The following HADHB variants were observed in gnomAD, a reference collection of about 807,000 sequenced individuals.
HADHB encodes trifunctional enzyme subunit beta, mitochondrial.
In HADHB, 50 loss-of-function variants were observed where a neutral mutation model predicts 61.9. The ratio of observed to expected loss-of-function variants is 0.81; its 90% confidence interval spans 0.64 to 1.02. The LOEUF (loss-of-function observed/expected upper bound fraction) is 1.02, where lower values mean the gene tolerates loss of function less well. Ranked by LOEUF, HADHB falls within the 50% of genes least tolerant of loss-of-function variation. The pLI is 0.00. For synonymous variants in HADHB, 191 were observed against 201.6 expected (o/e 0.95, Z 0.45); for missense variants, 504 against 586.5 (o/e 0.86, Z 1.45).
intron 3 of HADHB, among the ~76,000 whole-genome samples, chr2:26,256,174 G>T (rs539601057): frequency 6.6e-6 from 1 of 152,200 alleles, no homozygotes; most frequent in Non-Finnish European, 1.5e-5. Context: ...CATTAACGCT[G>T]ATGATGATAG....
chr2:26,263,244 A>G, intron 3 of HADHB, 136 bp from the exon 4 acceptor site: 1 of 565,334 alleles, frequency 1.8e-6, no homozygotes, highest in Middle Eastern at 5.1e-4. Flanking sequence ...GGTTGCAGTG[A>G]GCCGAGATCA....
rs1553323308 is a variant in HADHB, at chr2:26,285,739, G to GTTTTTTTTTTTTTTGTTTT, written c.1389+182_1389+183insGTTTTTTTTTTTTTTTTTT. Among the ~76,000 whole-genome samples the GTTTTTTTTTTTTTTGTTTT allele has an allele frequency of 7.7e-5, 5 of 65,082 alleles. 1 individual carries two copies. The highest frequency in any genetic ancestry group is 1.1e-4 in the Non-Finnish European group (4 of 34,936). 42.7% of individuals were successfully genotyped at this position (65,082 alleles called of 152,430 possible). On this transcript the variant is annotated intron_variant, in intron 15 of 15. Transcript: ENST00000317799. ...TCTGATAAAACTTTTTGTTTTTTGGGTTTTTTTTTTTTTTTTTTGAGACAG... is the reference window on the plus strand; with the variant it reads ...TCTGATAAAACTTTTTGTTTTTTGGGTTTTTTTTTTTTTTGTTTTTTTTTTTTTTTTTTTTTTGAGACAG...
intron 6 of HADHB, among the ~76,000 whole-genome samples, chr2:26,276,731 A>G (rs1672545205): frequency 6.6e-6 from 1 of 152,220 alleles, no homozygotes; most frequent in Non-Finnish European, 1.5e-5. Context: ...TCTTTTAAGT[A>G]TATTTGAACA....
intron 1 of HADHB, among the ~76,000 whole-genome samples, chr2:26,248,078 GGTT>G (rs1184756952): frequency 6.6e-6 from 1 of 152,106 alleles, no homozygotes; most frequent in African/African-American, 2.4e-5. Flanking sequence ...GTCACAAAAT[GGTT>G]GTTGTAGTAG....
At chr2:26,285,739 G>GTTTTTTTTTTTTTTGTTTTTTTTTTTTT (rs1553323308) in intron 15 of HADHB, among the ~76,000 whole-genome samples, 168 bp downstream of exon 15, 1 of 65,080 alleles carries the variant, frequency 1.5e-5, no homozygotes, top group African/African-American at 6.6e-5. Context: ...TGTTTTTTGG[G>GTTTTTTTTTTTTTTGTTTTTTTTTTTTT]TTTTTTTTTT....
At chr2:26,259,021 T>C (rs963622730) in intron 3 of HADHB, among the ~76,000 whole-genome samples, 31 of 152,040 alleles carry the variant, frequency 2.0e-4, no homozygotes, top group African/African-American at 7.3e-4. Context: ...TGAAACCCTC[T>C]CACCATGATG....
Position 26,280,082 on chromosome 2 carries a change from C to G in HADHB, c.900C>G (p.Tyr300Ter). The G allele has an allele frequency of 6.2e-7, 1 of 1,611,826 alleles. No individual in the cohort carries two copies. The highest frequency in any genetic ancestry group is 2.2e-5 in the East Asian group (1 of 44,874). ...AKLKPAFIKP[Y>*]GTVTAANSSF... is the part of the protein sequence containing the mutation. ...TAAAACCTGCATTCATCAAGCCCTACGGCACAGTGACAGCTGCAAATTCTT... is the reference window on the plus strand; with the variant it reads ...TAAAACCTGCATTCATCAAGCCCTAGGGCACAGTGACAGCTGCAAATTCTT... The change falls in exon 10 of 16, where the codon TAC becomes TAG. Residue 300 changes from tyrosine (Y) to a stop codon, truncating the protein, a stop_gained. Coordinates refer to ENST00000317799, the MANE Select transcript of HADHB (RefSeq NM_000183.3). LOFTEE classifies it high-confidence loss of function.
At chr2:26,272,584 A>G (rs1672389282) in intron 5 of HADHB, among the ~76,000 whole-genome samples, 1 of 151,098 alleles carries the variant, frequency 6.6e-6, no homozygotes, top group African/African-American at 2.4e-5. Context: ...CCTGTCCTCA[A>G]GTGATCCGCC....
chr2:26,262,539 A>G (rs1377645826), intron 3 of HADHB, among the ~76,000 whole-genome samples: 2 of 152,204 alleles, frequency 1.3e-5, no homozygotes, highest in Non-Finnish European at 2.9e-5. Context: ...TTTAAAAAAA[A>G]CCATAGGCAC....
chr2:26,264,038 G>A (rs1323825651), intron 4 of HADHB, among the ~76,000 whole-genome samples: 1 of 152,046 alleles, frequency 6.6e-6, no homozygotes, highest in African/African-American at 2.4e-5. Flanking sequence ...CCCGAGTGAA[G>A]GTTAGTCTAT....
chr2:26,253,877 T>TA (rs1558341623), intron 1 of HADHB, among the ~76,000 whole-genome samples: 1 of 149,218 alleles, frequency 6.7e-6, no homozygotes, highest in African/African-American at 2.5e-5. Flanking sequence ...AATAAATAAA[T>TA]AAATAAATAA....
chr2:26,245,946 G>A (rs941903125), intron 1 of HADHB, among the ~76,000 whole-genome samples: 1 of 152,116 alleles, frequency 6.6e-6, no homozygotes, highest in South Asian at 2.1e-4. Context: ...CTCACTACTC[G>A]CCAGACTGAC....
At chr2:26,257,757 C>T (rs1197173647) in intron 3 of HADHB, among the ~76,000 whole-genome samples, 1 of 152,084 alleles carries the variant, frequency 6.6e-6, no homozygotes, top group Non-Finnish European at 1.5e-5. Flanking sequence ...TGATGGCTCA[C>T]ACCTGTAATC....
intron 1 of HADHB, among the ~76,000 whole-genome samples, chr2:26,246,170 C>T (rs950452517): frequency 3.3e-5 from 5 of 152,170 alleles, no homozygotes; most frequent in Non-Finnish European, 7.3e-5. Context: ...CAGAGCCTGC[C>T]TCCTGCCCAT....
chr2:26,262,974 A>G (rs1574650145), intron 3 of HADHB, among the ~76,000 whole-genome samples: 1 of 152,138 alleles, frequency 6.6e-6, no homozygotes, highest in East Asian at 1.9e-4. Flanking sequence ...GGCATTAATG[A>G]TGTAATAATT....
chr2:26,254,141 A>G (rs1671516639), intron 1 of HADHB, 106 bp from the exon 2 acceptor site: 3 of 724,212 alleles, frequency 4.1e-6, no homozygotes, highest in Non-Finnish European at 7.6e-6. Context: ...TTAAGTTTTA[A>G]TGTTTTCTAG....
intron 4 of HADHB, among the ~76,000 whole-genome samples, chr2:26,268,517 T>C (rs1574654723): frequency 6.6e-6 from 1 of 152,334 alleles, no homozygotes; most frequent in South Asian, 2.1e-4. Flanking sequence ...TAGTAAGTCA[T>C]GTTGATATCA....
At chr2:26,282,550 A>T (rs937650435) in intron 10 of HADHB, among the ~76,000 whole-genome samples, 11 of 152,134 alleles carry the variant, frequency 7.2e-5, no homozygotes, top group African/African-American at 2.7e-4. Context: ...TACAGGCATG[A>T]GCCACCACGC....
chr2:26,257,113 CTTT>C (rs869046974), intron 3 of HADHB, among the ~76,000 whole-genome samples: 1 of 136,294 alleles, frequency 7.3e-6, no homozygotes, highest in South Asian at 2.4e-4. Flanking sequence ...AGCTCCCCTT[CTTT>C]TTTTTTTTTT....
Sources: allele counts gnomAD v4.1 joint callset (sites outside exome capture counted in the v4.1 genomes callset), GRCh38; gene constraint gnomAD v4.1.1; transcripts MANE v1.5; gene names NCBI Gene and HGNC (gene_info 2026-07-23, HGNC 2026-07-21).